Variants in HERC1 observed in about 807,000 individuals in gnomAD.
The protein encoded by HERC1 is probable E3 ubiquitin-protein ligase HERC1.
HERC1 carries 160 observed loss-of-function variants against 554.3 expected under a neutral mutation model. That is an observed-to-expected ratio of 0.29 (90% CI 0.25 to 0.33). The LOEUF is 0.33. HERC1 is among the 10% of genes least tolerant of loss of function. The pLI, the probability that HERC1 is intolerant of heterozygous loss-of-function variation, is 1.00. For synonymous variants in HERC1, 2,175 were observed against 2,131.7 expected, an observed-to-expected ratio of 1.02 and a Z score of -0.56; for missense variants, 4,919 against 5,918.5, an observed-to-expected ratio of 0.83 and a Z score of 5.54.
chr15:63,789,036 C>G (rs988205364), intron 1 of HERC1, among the ~76,000 whole-genome samples: 7 of 149,116 alleles, frequency 4.7e-5, no homozygotes, highest in Non-Finnish European at 7.4e-5. Context: ...AATGCAAAAT[C>G]CATTCCTAAT....
chr15:63,728,720 G>C (rs2074139384), intron 16 of HERC1, among the ~76,000 whole-genome samples: 1 of 152,014 alleles, frequency 6.6e-6, no homozygotes, highest in Non-Finnish European at 1.5e-5. Flanking sequence ...AAGACCATTG[G>C]GGGAGCAAAG....
At chr15:63,613,008 A>T (rs999202244) in intron 76 of HERC1, among the ~76,000 whole-genome samples, 2 of 152,198 alleles carry the variant, frequency 1.3e-5, no homozygotes, top group Non-Finnish European at 2.9e-5. Flanking sequence ...TTTTGAAAAT[A>T]ATTATATCCT....
At chr15:63,685,837 G>A (rs182190188) in intron 34 of HERC1, among the ~76,000 whole-genome samples, 1 of 152,332 alleles carries the variant, frequency 6.6e-6, no homozygotes, top group East Asian at 1.9e-4. Context: ...CTGGTAAACA[G>A]TCCCCTATAC....
intron 1 of HERC1, among the ~76,000 whole-genome samples, chr15:63,826,414 G>A (rs956260788): frequency 6.6e-6 from 1 of 151,994 alleles, no homozygotes; most frequent in Non-Finnish European, 1.5e-5. Flanking sequence ...GTATCAATAC[G>A]TACTGTATAT....
chr15:63,698,137 C>G (rs1012522221), intron 26 of HERC1, among the ~76,000 whole-genome samples: 4 of 152,052 alleles, frequency 2.6e-5, no homozygotes, highest in Non-Finnish European at 1.5e-5. Flanking sequence ...GGCTCAGGGC[C>G]AGGAGTGGTG....
chr15:63,701,287 C>T (rs2072711270), intron 25 of HERC1, among the ~76,000 whole-genome samples: 1 of 152,122 alleles, frequency 6.6e-6, no homozygotes, highest in African/African-American at 2.4e-5. Flanking sequence ...TATTAACCAA[C>T]TCACAAATCA....
At chr15:63,616,095 A>C (rs1346580308) in intron 75 of HERC1, among the ~76,000 whole-genome samples, 175 bp from the exon 76 acceptor site, 1 of 152,224 alleles carries the variant, frequency 6.6e-6, no homozygotes, top group Non-Finnish European at 1.5e-5. Flanking sequence ...GTGATGACTC[A>C]ACCAGCTGTA....
At chr15:63,785,493 G>A (rs2076410723) in intron 1 of HERC1, among the ~76,000 whole-genome samples, 1 of 152,054 alleles carries the variant, frequency 6.6e-6, no homozygotes, top group South Asian at 2.1e-4. Context: ...ATTAGGCTGG[G>A]CACGCTGGCT....
chr15:63,813,709 T>C (rs1480730023), intron 1 of HERC1, among the ~76,000 whole-genome samples: 1 of 152,220 alleles, frequency 6.6e-6, no homozygotes, highest in East Asian at 1.9e-4. Flanking sequence ...CCTGTGTTTC[T>C]GTATGTACCA....
rs1410804928 is a variant in HERC1 at position 63,725,403 on chromosome 15, G to C, written c.3457C>G (p.Leu1153Val). The part of the protein sequence containing the change: ...RTIALLIGRC[L>V]GGMLQGSPVS... Reference sequence around the variant, plus strand: ...GGGGAGCCCTGAAGCATGCCACCAAGACACCGCCCAATAAGGAGAGCAATT... The same window carrying C: ...GGGGAGCCCTGAAGCATGCCACCAACACACCGCCCAATAAGGAGAGCAATT... The change falls in exon 18 of 78, where the codon CTT becomes GTT. Residue 1153 changes from leucine to valine, a missense_variant. By Grantham distance (32) the Leu-to-Val change is conservative (BLOSUM62 1). Transcript: ENST00000443617. 6.2e-7 allele frequency: 1 copy of C among 1,613,902 alleles called. No individual in the cohort carries two copies. The highest frequency in any genetic ancestry group is 1.1e-5 in the South Asian group (1 of 91,064).
intron 37 of HERC1, among the ~76,000 whole-genome samples, chr15:63,675,830 T>C (rs866254883): frequency 6.6e-6 from 1 of 152,078 alleles, no homozygotes; most frequent in Non-Finnish European, 1.5e-5. Flanking sequence ...CTATATTACC[T>C]TTCTATTTTC....
At chr15:63,689,730 TG>T in intron 32 of HERC1, 31 bp from the exon 33 acceptor site, 1 of 1,308,286 alleles carries the variant, frequency 7.6e-7, no homozygotes, top group East Asian at 2.5e-5. Context: ...GGATAAAATT[TG>T]TAAAAAGTAA....
chr15:63,639,212 G>A (rs911470700), intron 61 of HERC1, among the ~76,000 whole-genome samples: 2 of 152,168 alleles, frequency 1.3e-5, no homozygotes, highest in African/African-American at 4.8e-5. Context: ...TTTGTGCCAC[G>A]TGACATTTCA....
intron 22 of HERC1, 43 bp downstream of exon 22, chr15:63,716,259 C>T (rs1314196311): frequency 6.5e-7 from 1 of 1,542,484 alleles, no homozygotes; most frequent in Non-Finnish European, 8.8e-7. Context: ...TATCAAAAAG[C>T]ATGCCACAGT....
At chr15:63,829,500 A>G (rs1314803228) in intron 1 of HERC1, among the ~76,000 whole-genome samples, 2 of 46,186 alleles carry the variant, frequency 4.3e-5, no homozygotes, top group Non-Finnish European at 1.0e-4. Context: ...ATATATATAT[A>G]CACACACACA....
intron 1 of HERC1, among the ~76,000 whole-genome samples, chr15:63,829,479 AAT>A (rs759570400): frequency 0.071 from 6,184 of 87,528 alleles, 274 homozygotes; most frequent in Admixed American, 0.14. Context: ...TGTTTATATA[AAT>A]ATATATATAT....
intron 25 of HERC1, among the ~76,000 whole-genome samples, chr15:63,699,664 T>C (rs2153070957): frequency 6.6e-6 from 1 of 152,344 alleles, no homozygotes; most frequent in East Asian, 1.9e-4. Flanking sequence ...TGAGATTTAC[T>C]GTAAAATGAT....
At chr15:63,739,401 T>C (rs1333397168) in intron 12 of HERC1, among the ~76,000 whole-genome samples, 1 of 151,822 alleles carries the variant, frequency 6.6e-6, no homozygotes, top group African/African-American at 2.4e-5. Flanking sequence ...TTTACCATGT[T>C]GGCCAGGCTG....
chr15:63,716,283 G>GT lies in HERC1; in HGVS notation c.4150+18dup. 1 of 1,585,304 alleles carries GT rather than the reference G, an allele frequency of 6.3e-7. No homozygotes were observed. Among genetic ancestry groups the GT allele is most frequent in the Non-Finnish European group, 8.6e-7 (1 of 1,167,106 alleles). ...GCATGCCACAGTTTGTATCTAGAAAGTAAGAAGGGTATACTCACTGCCAGC... is the reference window on the plus strand; with the variant it reads ...GCATGCCACAGTTTGTATCTAGAAAGTTAAGAAGGGTATACTCACTGCCAGC... On this transcript the variant is annotated intron_variant, in intron 22 of 77. Transcript: ENST00000443617.
Sources: gnomAD v4.1 joint callset for allele counts (sites outside exome capture counted in the v4.1 genomes callset) on GRCh38, gnomAD v4.1.1 for gene constraint, MANE v1.5 for transcripts, NCBI Gene and HGNC (gene_info 2026-07-23, HGNC 2026-07-21) for gene names.